Variants in NFIL3 observed in about 807,000 individuals in gnomAD.
NFIL3 encodes nuclear factor, interleukin 3 regulated.
NFIL3 carries 5 observed loss-of-function variants against 10.0 expected under a neutral mutation model. The observed-to-expected ratio is 0.50, with a 90% CI of 0.26 to 1.06. The LOEUF (loss-of-function observed/expected upper bound fraction) is 1.06, where lower values mean the gene tolerates loss of function less well. NFIL3 is among the 50% of genes least tolerant of loss of function. NFIL3 has a pLI of 0.13. For missense variants in NFIL3, 436 were observed against 547.6 expected (o/e 0.80, Z 2.03); for synonymous variants, 202 against 206.5 (o/e 0.98, Z 0.19).
chr9:91,467,958 C>T, the NFIL3 span, among the ~76,000 whole-genome samples: 1 of 152,092 alleles, frequency 6.6e-6, no homozygotes, highest in African/African-American at 2.4e-5. Context: ...TGGGTTGGTT[C>T]CAAGTCTTTG....
the NFIL3 span, among the ~76,000 whole-genome samples, chr9:91,469,548 C>T: frequency 6.6e-6 from 1 of 152,278 alleles, no homozygotes; most frequent in Admixed American, 6.5e-5. Context: ...ATTGCCCTGG[C>T]CAGAACTTCC....
chr9:91,410,552 C>A lies in NFIL3; in HGVS notation c.183G>T (p.Arg61=). 1 of 1,614,192 alleles carries A rather than the reference C, an allele frequency of 6.2e-7. No homozygotes were observed. Residue 61 remains arginine (R), a synonymous_variant, in exon 2 of 2, where the codon CGG becomes CGT. Transcript: ENST00000297689. The surrounding 1 kb of genome is among the most constrained non-coding windows in gnomAD (Gnocchi z 5.7). ...CATCAGGAATGAATTCCCGTTTCCT[C>A]CGACATGCAGAAGATTTGTTCTTCC... ...SVGKNKSSAC[R]RKREFIPDEK...
At chr9:91,459,328 A>G in the NFIL3 span, among the ~76,000 whole-genome samples, 4 of 152,304 alleles carry the variant, frequency 2.6e-5, no homozygotes, top group Admixed American at 6.5e-5. Context: ...CTGGCTACAC[A>G]AAAGGCAGTT....
At chr9:91,450,376 A>C in the NFIL3 span, among the ~76,000 whole-genome samples, 1 of 152,164 alleles carries the variant, frequency 6.6e-6, no homozygotes, top group South Asian at 2.1e-4. Context: ...TCTTTCATGC[A>C]TCCCATAAGT....
the NFIL3 span, among the ~76,000 whole-genome samples, chr9:91,446,470 A>C: frequency 0.13 from 20,220 of 152,214 alleles, 1,482 homozygotes; most frequent in East Asian, 0.33. Flanking sequence ...ATCTTGCTGA[A>C]ATCACCCCTA....
At chr9:91,467,328 T>G in the NFIL3 span, among the ~76,000 whole-genome samples, 2 of 152,070 alleles carry the variant, frequency 1.3e-5, no homozygotes, top group Non-Finnish European at 2.9e-5. Context: ...ATCTTTTCAG[T>G]TTTGTTTCTC....
At chr9:91,463,419 AATAAG>A in the NFIL3 span, among the ~76,000 whole-genome samples, 2 of 151,404 alleles carry the variant, frequency 1.3e-5, no homozygotes, top group Non-Finnish European at 3.0e-5. Context: ...TATTTTATTA[AATAAG>A]ATATTTATTT....
chr9:91,457,764 GA>G, the NFIL3 span, among the ~76,000 whole-genome samples: 2 of 152,098 alleles, frequency 1.3e-5, no homozygotes, highest in Admixed American at 1.3e-4. Flanking sequence ...TAATTTGGGG[GA>G]AAATATTTAA....
chr9:91,411,284 T>C (rs1833542979), intron 1 of NFIL3, among the ~76,000 whole-genome samples: 1 of 152,158 alleles, frequency 6.6e-6, no homozygotes, highest in African/African-American at 2.4e-5. Flanking sequence ...GGTTGGTAAG[T>C]TTCTAAACAG....
At chr9:91,431,656 G>A in the NFIL3 span, among the ~76,000 whole-genome samples, 1 of 152,128 alleles carries the variant, frequency 6.6e-6, no homozygotes, top group Non-Finnish European at 1.5e-5. Context: ...AACCACAGTG[G>A]AAGCCGACGT....
chr9:91,454,545 CTG>C, the NFIL3 span, among the ~76,000 whole-genome samples: 15 of 151,920 alleles, frequency 9.9e-5, no homozygotes, highest in Non-Finnish European at 1.8e-4. Flanking sequence ...TTTTAAAAAA[CTG>C]TCAGCTGGGC....
chr9:91,463,712 T>A, the NFIL3 span, among the ~76,000 whole-genome samples: 1 of 152,184 alleles, frequency 6.6e-6, no homozygotes, highest in East Asian at 1.9e-4. Flanking sequence ...GTCTATATCC[T>A]TTCTGATTTT....
the NFIL3 span, among the ~76,000 whole-genome samples, chr9:91,473,641 T>C: frequency 6.6e-6 from 1 of 152,208 alleles, no homozygotes; most frequent in African/African-American, 2.4e-5. Context: ...GGAAAGGGAA[T>C]TCCCCCTGAC....
chr9:91,474,132 T>A, the NFIL3 span, among the ~76,000 whole-genome samples: 5 of 151,662 alleles, frequency 3.3e-5, no homozygotes, highest in African/African-American at 7.3e-5. Flanking sequence ...TTGTCCCTAG[T>A]TTGCTAGGAG....
chr9:91,410,018 G>A lies in NFIL3; in HGVS notation c.717C>T (p.Tyr239=). 6.2e-7 allele frequency: 1 copy of A among 1,612,880 alleles called. No individual in the cohort carries two copies. The highest frequency in any genetic ancestry group is 1.3e-5 in the African/African-American group (1 of 75,010). ...TREPRDDRGS[Y]TASIYQNYMG... is the part of the protein sequence containing the mutation. Reference sequence around the variant, plus strand: ...TATAGTTTTGATAGATGGACGCTGTGTAAGAGCCTCGGTCATCTCTTGGCT... The same window carrying A: ...TATAGTTTTGATAGATGGACGCTGTATAAGAGCCTCGGTCATCTCTTGGCT... Residue 239 remains tyrosine, a synonymous_variant, in exon 2 of 2, where the codon TAC becomes TAT. Transcript: ENST00000297689. This position sits in a 1 kb window ranked among gnomAD's most constrained non-coding sequence, Gnocchi z 5.7.
chr9:91,451,327 C>T, the NFIL3 span, among the ~76,000 whole-genome samples: 1 of 152,150 alleles, frequency 6.6e-6, no homozygotes, highest in South Asian at 2.1e-4. Context: ...ATCATCAGTT[C>T]CTCTGAGAAA....
rs1011830565 is a variant in NFIL3 at position 91,421,154 on chromosome 9, G to A, written c.-173+2486C>T. On this transcript the variant is annotated intron_variant, in intron 1 of 1. Coordinates refer to ENST00000297689, the MANE Select transcript of NFIL3 (RefSeq NM_005384.3). ...AGAACAGGCGCGGAGTCAGGCCCCT[G>A]GATTTGCCCTGTTGGAAGGAGGGCC... Among the ~76,000 whole-genome samples the A allele has an allele frequency of 2.0e-5, 3 of 151,822 alleles. No homozygotes were observed. The East Asian group carries it at 5.8e-4, about 29-fold the overall frequency.
chr9:91,409,599 G>C lies in NFIL3; in HGVS notation c.1136C>G (p.Thr379Ser). Reference protein sequence around the residue: ...SAPSMVHSSLTPFSVQVTNIQ... With the variant: ...SAPSMVHSSLSPFSVQVTNIQ... ...GTTAGTCACTTGCACTGAGAAAGGAGTAAGAGAAGAATGTACCATACTTGG... is the reference window on the plus strand; with the variant it reads ...GTTAGTCACTTGCACTGAGAAAGGACTAAGAGAAGAATGTACCATACTTGG... The change falls in exon 2 of 2, where the codon ACT becomes AGT. Residue 379 changes from threonine (T) to serine (S), a missense_variant. By Grantham distance (58) the Thr-to-Ser change is moderately conservative (BLOSUM62 1). Around this residue, in one of 3 missense-constraint regions of NFIL3, gnomAD observed 338 missense variants for 399.9 expected, o/e 0.85. Coordinates refer to ENST00000297689, the MANE Select transcript of NFIL3 (RefSeq NM_005384.3). The C allele has an allele frequency of 6.2e-7, 1 of 1,614,232 alleles. No homozygotes were observed. Among genetic ancestry groups the C allele is most frequent in the Non-Finnish European group, 8.5e-7 (1 of 1,180,034 alleles).
chr9:91,447,682 TGTC>T, the NFIL3 span, among the ~76,000 whole-genome samples: 3 of 152,332 alleles, frequency 2.0e-5, no homozygotes, highest in South Asian at 6.2e-4. Flanking sequence ...TTAGTTGTGT[TGTC>T]TTTCTATTGT....
Sources: gnomAD v4.1 joint callset for allele counts (sites outside exome capture counted in the v4.1 genomes callset) on GRCh38, gnomAD v4.1.1 for gene constraint, gnomAD v4.1.1 regional missense constraint, Gnocchi (gnomAD v3.1) non-coding constraint, MANE v1.5 for transcripts, NCBI Gene and HGNC (gene_info 2026-07-23, HGNC 2026-07-21) for gene names.